Variants in JAM2 observed in about 807,000 individuals in gnomAD.
The protein encoded by JAM2 is junctional adhesion molecule B.
Under a neutral mutation model 42.0 loss-of-function variants are expected in JAM2, and 17 were observed. That is an observed-to-expected ratio of 0.40 (90% confidence interval 0.28 to 0.61). The LOEUF (loss-of-function observed/expected upper bound fraction) is 0.61, where lower values mean the gene tolerates loss of function less well. Among genes scored for constraint, JAM2 ranks in the 20% least tolerant of loss-of-function variants. JAM2 has a pLI of 0.37. For missense variants in JAM2, 319 were observed against 358.3 expected, an observed-to-expected ratio of 0.89 and a Z score of 0.89; for synonymous variants, 118 against 128.6, an observed-to-expected ratio of 0.92 and a Z score of 0.56.
intron 1 of JAM2, among the ~76,000 whole-genome samples, chr21:25,645,125 C>T (rs571024269): frequency 1.3e-5 from 2 of 152,324 alleles, no homozygotes; most frequent in South Asian, 4.1e-4. Flanking sequence ...AGATGATCTG[C>T]CTGCCTTGGC....
Position 25,693,886 on chromosome 21 carries a change from T to C in JAM2, c.372T>C (p.Asp124=), listed in dbSNP as rs992308044. 3 of 1,614,062 alleles carry C rather than the reference T, an allele frequency of 1.9e-6. No individual in the cohort carries two copies. Among genetic ancestry groups the C allele is most frequent in the African/African-American group, 1.3e-5 (1 of 74,930 alleles). ...PSEQGQNLEE[D]TVTLEVLVAP... ...AGCAAGGCCAAAACCTGGAAGAGGA[T>C]ACAGTCACTCTGGAAGTATTAGGTG... The change falls in exon 4 of 10, where the codon GAT becomes GAC. Residue 124 remains aspartate, a synonymous_variant. Coordinates refer to ENST00000480456, the MANE Select transcript of JAM2 (RefSeq NM_021219.4).
At chr21:25,703,271 T>A (rs577085367) in intron 6 of JAM2, among the ~76,000 whole-genome samples, 1 of 152,380 alleles carries the variant, frequency 6.6e-6, no homozygotes, top group South Asian at 2.1e-4. Context: ...TAAGGAATCA[T>A]ATCCAGGAAG....
intron 1 of JAM2, among the ~76,000 whole-genome samples, chr21:25,655,399 T>C (rs2031427890): frequency 6.7e-6 from 1 of 149,760 alleles, no homozygotes; most frequent in Admixed American, 6.6e-5. Context: ...GTCTTTTTTG[T>C]ATGCTCCACT....
At chr21:25,644,887 TTTGTTTTA>T (rs1027205735) in intron 1 of JAM2, among the ~76,000 whole-genome samples, 1 of 151,232 alleles carries the variant, frequency 6.6e-6, no homozygotes, top group African/African-American at 2.5e-5. Context: ...TGTTTGTTTG[TTTGTTTTA>T]TTTGAGATGG....
chr21:25,658,240 C>T (rs2032991360), intron 1 of JAM2, among the ~76,000 whole-genome samples: 1 of 151,916 alleles, frequency 6.6e-6, no homozygotes, highest in African/African-American at 2.4e-5. Flanking sequence ...TAGGGGACAT[C>T]AAAGAAATCA....
intron 4 of JAM2, among the ~76,000 whole-genome samples, chr21:25,697,799 G>A (rs889555161): frequency 2.0e-5 from 3 of 152,082 alleles, no homozygotes; most frequent in African/African-American, 7.2e-5. Context: ...AGCTACTGGG[G>A]AGGTTGAGGT....
At chr21:25,684,101 A>G (rs551557536) in intron 2 of JAM2, among the ~76,000 whole-genome samples, 153 bp downstream of exon 2, 33 of 152,314 alleles carry the variant, frequency 2.2e-4, no homozygotes, top group African/African-American at 7.7e-4. Context: ...CTCCACCTCA[A>G]GAACATTTAC....
In JAM2 at chr21:25,678,083, G is replaced by A. The variant is rs143158217; in HGVS notation, c.68-5800G>A. ...TCTACTAAAAATACAAAAATTAGCCGGGTGTGGTGACGCATGCCTGTAATC... is the reference window on the plus strand; with the variant it reads ...TCTACTAAAAATACAAAAATTAGCCAGGTGTGGTGACGCATGCCTGTAATC... On this transcript the variant is annotated intron_variant, in intron 1 of 9. Coordinates refer to ENST00000480456, the MANE Select transcript of JAM2 (RefSeq NM_021219.4). Among the ~76,000 whole-genome samples, 834 of 152,112 alleles carry A rather than the reference G, an allele frequency of 5.5e-3. 4 individuals carry two copies. Among genetic ancestry groups the A allele is most frequent in the African/African-American group, 0.012 (508 of 41,520 alleles).
chr21:25,707,563 T>C (rs1332886533), intron 7 of JAM2, among the ~76,000 whole-genome samples: 1 of 152,232 alleles, frequency 6.6e-6, no homozygotes, highest in Non-Finnish European at 1.5e-5. Context: ...GTACACAGTT[T>C]TGAATTCTTC....
Position 25,683,898 on chromosome 21 carries a change from G to A in JAM2, c.83G>A (p.Gly28Glu), listed in dbSNP as rs1301696730. The A allele has an allele frequency of 1.9e-6, 3 of 1,607,106 alleles. No individual in the cohort carries two copies. The Admixed American group carries it at 5.0e-5, about 27-fold the overall frequency. The change falls in exon 2 of 10, where the codon GGG (glycine) becomes GAG (glutamate). Residue 28 changes from glycine to glutamate, a missense_variant. Transcript: ENST00000480456. ...VVALGYHKAY[G>E]FSAPKDQQVV... ...AATCTTTCAGATCATAAGGCCTATG[G>A]GTTTTCTGCCCCAAAAGACCAACAA... is the stretch of plus-strand genomic sequence containing the variant.
intron 1 of JAM2, among the ~76,000 whole-genome samples, chr21:25,655,584 G>A (rs1220034615): frequency 2.0e-5 from 3 of 147,204 alleles, no homozygotes; most frequent in Non-Finnish European, 4.5e-5. Flanking sequence ...GGGCTCAAGC[G>A]ATTCTCCTCC....
At chr21:25,712,169 T>C (rs1219396861) in intron 8 of JAM2, 171 bp from the exon 9 acceptor site, 1 of 646,414 alleles carries the variant, frequency 1.5e-6, no homozygotes, top group African/African-American at 1.8e-5. Context: ...TCTGTGAATA[T>C]TGTCTGTAAA....
chr21:25,711,289 C>A, intron 8 of JAM2: 1 of 349,580 alleles, frequency 2.9e-6, no homozygotes, highest in South Asian at 2.2e-5. Context: ...GTCATTGGTA[C>A]ATGAAATATG....
Position 25,714,818 on chromosome 21 carries a change from C to T in JAM2, c.*146C>T. On this transcript the variant is annotated 3_prime_UTR_variant, in exon 10 of 10. Transcript: ENST00000480456. ...ATTTTAATTTTCATGACTACTAACTCACCTGAACTTGCTATTTTAAACAAA... is the reference window on the plus strand; with the variant it reads ...ATTTTAATTTTCATGACTACTAACTTACCTGAACTTGCTATTTTAAACAAA... 1.9e-6 allele frequency: 1 copy of T among 521,766 alleles called. No individual in the cohort carries two copies. Among genetic ancestry groups the T allele is most frequent in the Non-Finnish European group, 3.4e-6 (1 of 295,396 alleles). The allele number at this position is 521,766 out of a possible 1,614,324, so 32.3% of individuals were successfully genotyped here. A position where few individuals can be genotyped will look rare whatever the true frequency, so the allele number is the denominator to read the frequency against.
At chr21:25,691,423 C>T (rs71317425) in intron 3 of JAM2, among the ~76,000 whole-genome samples, 10,040 of 152,244 alleles carry the variant, frequency 0.066, 445 homozygotes, top group Middle Eastern at 0.15. Context: ...GAGATCTGGC[C>T]ATGTTCCAAG....
chr21:25,657,473 A>G (rs1484876621), intron 1 of JAM2, among the ~76,000 whole-genome samples: 1 of 152,238 alleles, frequency 6.6e-6, no homozygotes, highest in Non-Finnish European at 1.5e-5. Context: ...TGCCAGTGGT[A>G]CATTATTGAA....
At chr21:25,651,739 C>G (rs2123316977) in intron 1 of JAM2, among the ~76,000 whole-genome samples, 1 of 152,216 alleles carries the variant, frequency 6.6e-6, no homozygotes, top group Admixed American at 6.5e-5. Context: ...AAAACAAATG[C>G]CCATTTATAG....
chr21:25,666,681 A>G (rs1849292002), intron 1 of JAM2, among the ~76,000 whole-genome samples: 1 of 152,094 alleles, frequency 6.6e-6, no homozygotes, highest in Admixed American at 6.6e-5. Context: ...GGACAACAGG[A>G]GCACATACCA....
At chr21:25,668,569 A>G (rs904791404) in intron 1 of JAM2, among the ~76,000 whole-genome samples, 4 of 152,214 alleles carry the variant, frequency 2.6e-5, no homozygotes, top group Non-Finnish European at 5.9e-5. Flanking sequence ...GCAATGGAAT[A>G]ATTGAGTTGC....
Sources: gnomAD v4.1 joint callset for allele counts (sites outside exome capture counted in the v4.1 genomes callset) on GRCh38, gnomAD v4.1.1 for gene constraint, MANE v1.5 for transcripts, NCBI Gene and HGNC (gene_info 2026-07-23, HGNC 2026-07-21) for gene names.